DOT1L: variants seen among roughly 807,000 people sequenced by gnomAD.
DOT1L encodes histone-lysine N-methyltransferase, H3 lysine-79 specific.
A neutral mutation model predicts 153.3 loss-of-function variants in DOT1L; 33 were observed. The observed-to-expected ratio is 0.22, with a 90% CI of 0.16 to 0.29. The LOEUF is 0.29. Among genes scored for constraint, DOT1L ranks in the 10% least tolerant of loss-of-function variants. The pLI is 1.00. For missense variants in DOT1L, 1,847 were observed against 2,119.9 expected, an observed-to-expected ratio of 0.87 and a Z score of 2.53; for synonymous variants, 1,135 against 965.1, an observed-to-expected ratio of 1.18 and a Z score of -3.26.
In DOT1L at chr19:2,223,371, G is replaced by A. The variant is rs561499135; in HGVS notation, c.3481G>A (p.Asp1161Asn). 44 of 1,613,736 alleles carry A rather than the reference G, an allele frequency of 2.7e-5. No individual in the cohort carries two copies. Among genetic ancestry groups the A allele is most frequent in the African/African-American group, 4.0e-5 (3 of 74,944 alleles). ...KSSPVPYQDH[D>N]QPPVLKKERP... The stretch of plus-strand genomic sequence containing the variant: ...CTCCCCTGTGCCCTACCAGGACCAC[G>A]ACCAGCCCCCCGTGCTCAAGAAGGA... Residue 1161 changes from aspartate (D) to asparagine (N), a missense_variant, in exon 25 of 28, where the codon GAC (aspartate) becomes AAC (asparagine). Physicochemically the swap from Asp to Asn is conservative, Grantham distance 23. Around this residue, in one of 8 missense-constraint regions of DOT1L, gnomAD observed 934 missense variants for 825.3 expected, o/e 1.13. Transcript: ENST00000398665.
intron 1 of DOT1L, among the ~76,000 whole-genome samples, chr19:2,168,480 A>G (rs1192638008): frequency 6.6e-6 from 1 of 152,238 alleles, no homozygotes; most frequent in Non-Finnish European, 1.5e-5. Context: ...AGAAATAGCC[A>G]CAACTGTCCA....
At chr19:2,179,362 C>T (rs1396360817) in intron 1 of DOT1L, among the ~76,000 whole-genome samples, 19 of 149,574 alleles carry the variant, frequency 1.3e-4, no homozygotes, top group Admixed American at 1.3e-3. Flanking sequence ...TGCACGGCTG[C>T]CTGGGAGAGG....
intron 15 of DOT1L, 55 bp downstream of exon 15, chr19:2,211,267 A>G: frequency 6.8e-7 from 1 of 1,477,130 alleles, no homozygotes; most frequent in Non-Finnish European, 9.2e-7. Flanking sequence ...TCATCCCAGG[A>G]GGACCGTGGG....
At chr19:2,211,284 C>T (rs556529394) in intron 15 of DOT1L, 72 bp downstream of exon 15, 19 of 1,334,878 alleles carry the variant, frequency 1.4e-5, no homozygotes, top group East Asian at 7.2e-5. Context: ...TGGGTTGTGA[C>T]GCTGACCTCG....
At chr19:2,167,457 C>G (rs1395653386) in intron 1 of DOT1L, among the ~76,000 whole-genome samples, 2 of 152,236 alleles carry the variant, frequency 1.3e-5, no homozygotes, top group African/African-American at 4.8e-5. Flanking sequence ...AGGGCGAGAG[C>G]TGGCGGGAGC....
At chr19:2,192,557 C>T (rs1599563226) in intron 5 of DOT1L, among the ~76,000 whole-genome samples, 1 of 151,544 alleles carries the variant, frequency 6.6e-6, no homozygotes, top group East Asian at 2.0e-4. Context: ...CCTGTAATCC[C>T]AGCTACTTGG....
chr19:2,179,639 C>T (rs1213587790), intron 1 of DOT1L, among the ~76,000 whole-genome samples: 1 of 152,136 alleles, frequency 6.6e-6, no homozygotes, highest in Non-Finnish European at 1.5e-5. Flanking sequence ...GAAACCCTGT[C>T]TCTACCAAAA....
rs887696811 is a variant in DOT1L at position 2,217,694 on chromosome 19, C to T, written c.2545-78C>T. On this transcript the variant is annotated intron_variant, in intron 21 of 27. Transcript: ENST00000398665. This position sits in a 1 kb window ranked among gnomAD's most constrained non-coding sequence, Gnocchi z 7.3. ...CCGCCTTGAGAGAGCTGTAGCAGGC[C>T]CCCGTCCTGTGGCTGTGGTCCCTGT... 2 of 1,529,444 alleles carry T rather than the reference C, an allele frequency of 1.3e-6. No individual in the cohort carries two copies. The highest frequency in any genetic ancestry group is 2.7e-5 in the African/African-American group (2 of 72,772). 94.7% of individuals were successfully genotyped at this position (1,529,444 alleles called of 1,614,324 possible).
chr19:2,222,952 T>TGCGGCCTGGCAGCCTGGGAAGAG lies in DOT1L; in HGVS notation c.3391-322_3391-300dup. 2.4e-6 allele frequency: 1 copy of TGCGGCCTGGCAGCCTGGGAAGAG among 420,066 alleles called. No homozygotes were observed. Among genetic ancestry groups the TGCGGCCTGGCAGCCTGGGAAGAG allele is most frequent in the Non-Finnish European group, 4.2e-6 (1 of 235,380 alleles). The allele number at this position is 420,066 out of a possible 1,614,324, so 26.0% of individuals were successfully genotyped here. A position where few individuals can be genotyped will look rare whatever the true frequency, so the allele number is the denominator to read the frequency against. Reference sequence around the variant, plus strand: ...CTGAGCCCGGCCATCCTCCACCACGTGCGGCCTGGCAGCCTGGGAAGAGGC... The same window carrying TGCGGCCTGGCAGCCTGGGAAGAG: ...CTGAGCCCGGCCATCCTCCACCACGTGCGGCCTGGCAGCCTGGGAAGAGGCGGCCTGGCAGCCTGGGAAGAGGC... On this transcript the variant is annotated intron_variant, in intron 24 of 27. Coordinates refer to ENST00000398665, the MANE Select transcript of DOT1L (RefSeq NM_032482.3). The surrounding 1 kb of genome is among the most constrained non-coding windows in gnomAD (Gnocchi z 6.5).
In DOT1L at chr19:2,222,267, G is replaced by C. The variant is rs748105920; in HGVS notation, c.3098G>C (p.Gly1033Ala). The C allele has an allele frequency of 6.2e-7, 1 of 1,613,128 alleles. No individual in the cohort carries two copies. The highest frequency in any genetic ancestry group is 1.1e-5 in the South Asian group (1 of 91,088). Residue 1033 changes from glycine to alanine, a missense_variant, in exon 24 of 28, where the codon GGC (glycine) becomes GCC (alanine). This residue lies in a region of DOT1L where 934 missense variants were observed against 825.3 expected (regional missense o/e 1.13). Transcript: ENST00000398665. The surrounding 1 kb of genome is among the most constrained non-coding windows in gnomAD (Gnocchi z 6.5). The part of the protein sequence containing the change: ...ASKGDLPSDS[G>A]FSDPESEAKR... ...AAGGGAGACCTGCCCTCCGATTCCG[G>C]CTTCTCAGATCCTGAGAGTGAAGCC...
chr19:2,193,852 C>T lies in DOT1L; in HGVS notation c.588+69C>T. 6.6e-7 allele frequency: 1 copy of T among 1,510,394 alleles called. No homozygotes were observed. Among genetic ancestry groups the T allele is most frequent in the Non-Finnish European group, 9.1e-7 (1 of 1,102,796 alleles). The allele number at this position is 1,510,394 out of a possible 1,614,324, so 93.6% of individuals were successfully genotyped here. On this transcript the variant is annotated intron_variant, in intron 6 of 27. Transcript: ENST00000398665. This position sits in a 1 kb window ranked among gnomAD's most constrained non-coding sequence, Gnocchi z 5.9. ...ATCAGAGAAAGTGACGCCCTGGGTG[C>T]CTGCACCCCACTGCTGTGGGACTTC...
chr19:2,194,486 T>C (rs753574303), intron 6 of DOT1L, 29 bp from the exon 7 acceptor site: 3 of 1,613,826 alleles, frequency 1.9e-6, no homozygotes, highest in South Asian at 1.1e-5. Flanking sequence ...TGAGAGTTTG[T>C]AACGGGCGTT....
rs533096923 is a variant in DOT1L, at chr19:2,198,563, C to T, written c.652-1321C>T. ...GTTGCTTGGGGCGGCGGCTTGCTTGCGTTACCCTCTCTGCTCGGGGACTCC... is the reference window on the plus strand; with the variant it reads ...GTTGCTTGGGGCGGCGGCTTGCTTGTGTTACCCTCTCTGCTCGGGGACTCC... On this transcript the variant is annotated intron_variant, in intron 7 of 27. Transcript: ENST00000398665. Among the ~76,000 whole-genome samples the T allele has an allele frequency of 9.8e-5, 15 of 152,328 alleles. No homozygotes were observed. The East Asian group carries it at 1.2e-3, about 12-fold the overall frequency.
intron 1 of DOT1L, among the ~76,000 whole-genome samples, chr19:2,179,578 T>G (rs895939647): frequency 2.0e-5 from 3 of 152,070 alleles, no homozygotes; most frequent in Non-Finnish European, 4.4e-5. Flanking sequence ...GAGGCTGAGG[T>G]GGGCGGATCA....
intron 3 of DOT1L, among the ~76,000 whole-genome samples, chr19:2,187,732 C>A (rs2022583320): frequency 6.6e-6 from 1 of 152,104 alleles, no homozygotes; most frequent in East Asian, 1.9e-4. Context: ...ACCATCCTCG[C>A]TAGCACAGTG....
chr19:2,219,924 G>A (rs566820829), intron 22 of DOT1L, among the ~76,000 whole-genome samples, 184 bp from the exon 23 acceptor site: 5 of 152,192 alleles, frequency 3.3e-5, no homozygotes, highest in South Asian at 4.1e-4. Flanking sequence ...GCGCACTCTC[G>A]CTGCGCCACT....
At chr19:2,189,921 G>A in intron 4 of DOT1L, 126 bp downstream of exon 4, 2 of 1,080,340 alleles carry the variant, frequency 1.9e-6, no homozygotes, top group Non-Finnish European at 2.7e-6. Flanking sequence ...GGAATGTGCA[G>A]CGTGGGGGGA....
chr19:2,224,479 T>C (rs995529656), intron 25 of DOT1L, among the ~76,000 whole-genome samples: 1 of 151,466 alleles, frequency 6.6e-6, no homozygotes, highest in African/African-American at 2.4e-5. Context: ...TTTTTTTTTT[T>C]TCCTGAGACA....
In DOT1L at chr19:2,191,266, T is replaced by C; in HGVS notation, c.493+26T>C. The C allele has an allele frequency of 6.2e-7, 1 of 1,608,542 alleles. No individual in the cohort carries two copies. The stretch of plus-strand genomic sequence containing the variant: ...GTGAGTGTCGCCCGCCATGCCCGGC[T>C]CCTGTGCACTTCCAGGCCACACGCT... On this transcript the variant is annotated intron_variant, in intron 5 of 27. Transcript: ENST00000398665. The surrounding 1 kb of genome is among the most constrained non-coding windows in gnomAD (Gnocchi z 6.8).
Sources: gnomAD v4.1 joint callset for allele counts (sites outside exome capture counted in the v4.1 genomes callset) on GRCh38, gnomAD v4.1.1 for gene constraint, gnomAD v4.1.1 regional missense constraint, Gnocchi (gnomAD v3.1) non-coding constraint, MANE v1.5 for transcripts, NCBI Gene and HGNC (gene_info 2026-07-23, HGNC 2026-07-21) for gene names.